The following CHRM3 variants were observed in gnomAD, a reference collection of about 807,000 sequenced individuals.
CHRM3 encodes cholinergic receptor muscarinic 3.
A neutral mutation model predicts 41.8 loss-of-function variants in CHRM3; 11 were observed. The observed-to-expected ratio is 0.26, with a 90% CI of 0.17 to 0.44. The LOEUF (loss-of-function observed/expected upper bound fraction) is 0.44. CHRM3 is among the 20% of genes least tolerant of loss of function. The pLI is 1.00. For synonymous variants in CHRM3, 297 were observed against 301.4 expected (o/e 0.99, Z 0.15); for missense variants, 571 against 745.4 (o/e 0.77, Z 2.72).
At position 239,911,058 on chromosome 1, in the gene CHRM3, T is replaced by G. The variant is rs1680338396; in HGVS notation, c.*1834T>G. On this transcript the variant is annotated 3_prime_UTR_variant, in exon 7 of 7. Transcript: ENST00000676153. ...CTTTAAGGTCCACTTGAGCAATGAA[T>G]AGAGTATATTGGAGCTTTCCTGTGG... 1 of 167,076 alleles carries G rather than the reference T, an allele frequency of 6.0e-6. No individual in the cohort carries two copies. The highest frequency in any genetic ancestry group is 6.5e-5 in the Admixed American group (1 of 15,284). The allele number at this position is 167,076 out of a possible 1,614,324, so 10.3% of individuals were successfully genotyped here.
chr1:239,489,986 T>C (rs956606655), intron 1 of CHRM3, among the ~76,000 whole-genome samples: 9 of 152,156 alleles, frequency 5.9e-5, no homozygotes, highest in Non-Finnish European at 1.0e-4. Context: ...ATTCAGGTCC[T>C]GGCTCTTCCC....
chr1:239,833,454 G>A (rs904341334), intron 6 of CHRM3, among the ~76,000 whole-genome samples: 1 of 152,116 alleles, frequency 6.6e-6, no homozygotes, highest in Admixed American at 6.5e-5. Context: ...TTTCAGAGGA[G>A]CAACTTCCTG....
At chr1:239,794,248 T>A (rs993217082) in intron 5 of CHRM3, among the ~76,000 whole-genome samples, 9 of 152,158 alleles carry the variant, frequency 5.9e-5, no homozygotes, top group Non-Finnish European at 1.2e-4. Flanking sequence ...AGTACAGAGA[T>A]CACAGTGAAA....
intron 1 of CHRM3, among the ~76,000 whole-genome samples, chr1:239,443,086 A>T (rs1663856116): frequency 6.6e-6 from 1 of 152,238 alleles, no homozygotes; most frequent in South Asian, 2.1e-4. Flanking sequence ...TTTAATTTAT[A>T]GTGAGATAAC....
intron 1 of CHRM3, among the ~76,000 whole-genome samples, chr1:239,470,690 C>T (rs1000275654): frequency 6.6e-6 from 1 of 152,240 alleles, no homozygotes; most frequent in Admixed American, 6.5e-5. Flanking sequence ...CTACTGGCCA[C>T]ATCTGTCTAG....
At chr1:239,876,250 T>C (rs1487669805) in intron 6 of CHRM3, among the ~76,000 whole-genome samples, 1 of 152,234 alleles carries the variant, frequency 6.6e-6, no homozygotes, top group Non-Finnish European at 1.5e-5. Context: ...TACACAGACA[T>C]AGTCCACTCC....
chr1:239,584,220 C>T (rs539801139), intron 3 of CHRM3, among the ~76,000 whole-genome samples: 14 of 151,078 alleles, frequency 9.3e-5, no homozygotes, highest in Non-Finnish European at 1.9e-4. Context: ...TCTCCTGACT[C>T]AGCCTCCCGA....
intron 6 of CHRM3, among the ~76,000 whole-genome samples, chr1:239,846,896 T>C (rs903098139): frequency 2.6e-5 from 4 of 152,330 alleles, no homozygotes; most frequent in East Asian, 1.9e-4. Flanking sequence ...GTACTCTATA[T>C]AAATGATCTT....
chr1:239,717,633 AGG>A (rs1209210673), intron 5 of CHRM3, among the ~76,000 whole-genome samples: 3 of 152,038 alleles, frequency 2.0e-5, no homozygotes, highest in African/African-American at 7.2e-5. Flanking sequence ...TTGGGATTCA[AGG>A]GGGGTGCTTA....
chr1:239,602,140 A>ATATATATATATATATATAT (rs1432471091), intron 3 of CHRM3, among the ~76,000 whole-genome samples: 2 of 144,836 alleles, frequency 1.4e-5, no homozygotes, highest in African/African-American at 2.6e-5. Context: ...ATATATATAT[A>ATATATATATATATATATAT]ATTTTGTTTT....
At chr1:239,531,444 T>G (rs1670394704) in intron 2 of CHRM3, among the ~76,000 whole-genome samples, 1 of 152,058 alleles carries the variant, frequency 6.6e-6, no homozygotes, top group Non-Finnish European at 1.5e-5. Context: ...CACCAATGAT[T>G]GTATTTCGGC....
intron 6 of CHRM3, among the ~76,000 whole-genome samples, chr1:239,875,886 C>G (rs1677070739): frequency 6.6e-6 from 1 of 152,104 alleles, no homozygotes; most frequent in Non-Finnish European, 1.5e-5. Context: ...AATTGCTCCC[C>G]CATTCCCAGA....
chr1:239,834,351 C>T (rs1673137232), intron 6 of CHRM3, among the ~76,000 whole-genome samples: 2 of 138,938 alleles, frequency 1.4e-5, no homozygotes, highest in Non-Finnish European at 3.0e-5. Flanking sequence ...CTCACCCTGT[C>T]CCCCAGGCTG....
chr1:239,407,417 T>TATATATATATATATATATATATATAG, intron 1 of CHRM3, among the ~76,000 whole-genome samples: 1 of 134,124 alleles, frequency 7.5e-6, no homozygotes, highest in African/African-American at 2.5e-5. Context: ...TATATATATA[T>TATATATATATATATATATATATATAG]AGAGAGAGAG....
At chr1:239,424,020 A>C (rs1264589523) in intron 1 of CHRM3, among the ~76,000 whole-genome samples, 5 of 145,806 alleles carry the variant, frequency 3.4e-5, no homozygotes, top group Non-Finnish European at 7.4e-5. Context: ...GCGCCACTGC[A>C]CTCCAGCCTG....
intron 3 of CHRM3, among the ~76,000 whole-genome samples, chr1:239,558,193 G>T (rs1558317603): frequency 6.6e-6 from 1 of 152,138 alleles, no homozygotes; most frequent in African/African-American, 2.4e-5. Flanking sequence ...GGCATAGAAT[G>T]GTATCTCATT....
intron 1 of CHRM3, among the ~76,000 whole-genome samples, chr1:239,410,120 A>T (rs551313789): frequency 1.2e-4 from 18 of 152,266 alleles, no homozygotes; most frequent in African/African-American, 4.3e-4. Flanking sequence ...TATGGTATTG[A>T]GATGTCTGCT....
chr1:239,427,695 A>G (rs1662502018), intron 1 of CHRM3, among the ~76,000 whole-genome samples: 1 of 151,922 alleles, frequency 6.6e-6, no homozygotes, highest in Non-Finnish European at 1.5e-5. Flanking sequence ...AAAATAACCA[A>G]TGAGATGATG....
intron 5 of CHRM3, among the ~76,000 whole-genome samples, chr1:239,690,149 G>T (rs1659574520): frequency 6.6e-6 from 1 of 152,160 alleles, no homozygotes. Flanking sequence ...GAATTTCATG[G>T]ATTCACATTT....
Sources: allele counts gnomAD v4.1 joint callset (sites outside exome capture counted in the v4.1 genomes callset), GRCh38; gene constraint gnomAD v4.1.1; transcripts MANE v1.5; gene names NCBI Gene and HGNC (gene_info 2026-07-23, HGNC 2026-07-21).